The following RAF1 variants were observed in gnomAD, a reference collection of about 807,000 sequenced individuals.
RAF1 encodes the protein Raf-1 proto-oncogene, serine/threonine kinase, also known as RAF proto-oncogene serine/threonine-protein kinase.
Under a neutral mutation model 81.1 loss-of-function variants are expected in RAF1, and 27 were observed. The ratio of observed to expected loss-of-function variants is 0.33; its 90% confidence interval spans 0.25 to 0.46. RAF1 has a LOEUF of 0.46. Among genes scored for constraint, RAF1 ranks in the 20% least tolerant of loss-of-function variants. The pLI is 1.00. For missense variants in RAF1, 598 were observed against 826.0 expected (o/e 0.72, Z 3.38); for synonymous variants, 298 against 294.0 (o/e 1.01, Z -0.14).
intron 13 of RAF1, chr3:12,590,345 CAG>C (rs2058472659): frequency 1.4e-4 from 2 of 14,248 alleles, no homozygotes; most frequent in African/African-American, 1.5e-3. Flanking sequence ...TTTTTTGAGA[CAG>C]AGTCTCGCTT....
At chr3:12,635,722 C>G (rs1193082619) in intron 1 of RAF1, among the ~76,000 whole-genome samples, 1 of 151,270 alleles carries the variant, frequency 6.6e-6, no homozygotes, top group Non-Finnish European at 1.5e-5. Context: ...GCCTGTAATC[C>G]CAGCACTTTG....
intron 3 of RAF1, among the ~76,000 whole-genome samples, chr3:12,609,920 A>C (rs563090701): frequency 6.6e-5 from 10 of 152,350 alleles, no homozygotes; most frequent in African/African-American, 2.2e-4. Flanking sequence ...CTGCAGTACA[A>C]AATTTAGTCT....
At chr3:12,648,745 CAA>C (rs35821519) in intron 1 of RAF1, among the ~76,000 whole-genome samples, 2 of 143,280 alleles carry the variant, frequency 1.4e-5, no homozygotes. Flanking sequence ...GATTCTGCTT[CAA>C]AAAAAAAAAA....
chr3:12,648,262 C>A (rs2060414210), intron 1 of RAF1, among the ~76,000 whole-genome samples: 1 of 134,522 alleles, frequency 7.4e-6, no homozygotes, highest in Non-Finnish European at 1.5e-5. Context: ...AATGATTATT[C>A]AGATAGCCAA....
rs1234109436 is a variant in RAF1 at position 12,618,683 on chromosome 3, A to G, written c.39T>C (p.Asn13=). The G allele has an allele frequency of 6.2e-7, 1 of 1,614,220 alleles. No homozygotes were observed. The highest frequency in any genetic ancestry group is 1.1e-5 in the South Asian group (1 of 91,090). ...ACACGGCATCTTTGAATCCAAAACC[A>G]TTGCTGATCGTCTTCCAAGCTCCCT... Residue 13 remains asparagine (N), a synonymous_variant, in exon 2 of 18, where the codon AAT becomes AAC. Coordinates refer to ENST00000442415, the MANE Select transcript of RAF1 (RefSeq NM_001354689.3).
chr3:12,630,066 A>C (rs2059817405), intron 1 of RAF1, among the ~76,000 whole-genome samples: 1 of 152,208 alleles, frequency 6.6e-6, no homozygotes, highest in Admixed American at 6.5e-5. Flanking sequence ...TATAGGCGTA[A>C]GCCACTACAC....
intron 1 of RAF1, among the ~76,000 whole-genome samples, chr3:12,638,365 C>A (rs2060089166): frequency 6.6e-6 from 1 of 152,184 alleles, no homozygotes; most frequent in Non-Finnish European, 1.5e-5. Context: ...ACACTGACAA[C>A]TGTGGAAAAA....
chr3:12,654,925 C>G (rs1414409717), intron 1 of RAF1, among the ~76,000 whole-genome samples: 1 of 150,552 alleles, frequency 6.6e-6, no homozygotes, highest in Non-Finnish European at 1.5e-5. Context: ...CCTGTAATCC[C>G]AGTACTTTAG....
At chr3:12,628,764 T>C (rs867946382) in intron 1 of RAF1, among the ~76,000 whole-genome samples, 4 of 36,288 alleles carry the variant, frequency 1.1e-4, no homozygotes, top group African/African-American at 3.8e-4. Context: ...GGGGGGGGGG[T>C]GGCGGGGCAC....
chr3:12,633,356 G>A (rs1183568758), intron 1 of RAF1, among the ~76,000 whole-genome samples: 2 of 151,830 alleles, frequency 1.3e-5, no homozygotes, highest in African/African-American at 2.4e-5. Context: ...AGTGGCGAAC[G>A]CCTGTACTCC....
intron 14 of RAF1, among the ~76,000 whole-genome samples, chr3:12,586,545 C>G (rs911514692): frequency 6.6e-6 from 1 of 152,198 alleles, no homozygotes; most frequent in Non-Finnish European, 1.5e-5. Context: ...AAAAACCCCA[C>G]CACTGAAAGG....
At chr3:12,608,614 G>C (rs1183454224) in intron 5 of RAF1, 152 bp downstream of exon 5, 1 of 897,240 alleles carries the variant, frequency 1.1e-6, no homozygotes, top group Non-Finnish European at 1.8e-6. Flanking sequence ...GCTAGTTTCA[G>C]AATTATCACT....
intron 1 of RAF1, among the ~76,000 whole-genome samples, chr3:12,641,368 T>C (rs923852554): frequency 7.0e-6 from 1 of 143,624 alleles, no homozygotes; most frequent in Non-Finnish European, 1.5e-5. Flanking sequence ...CTTAAAGTAT[T>C]AAAAAAAAAA....
chr3:12,594,952 C>T (rs1365324489), intron 11 of RAF1, among the ~76,000 whole-genome samples: 1 of 152,150 alleles, frequency 6.6e-6, no homozygotes, highest in Admixed American at 6.5e-5. Flanking sequence ...GCAGCATTCC[C>T]CTCATTTACA....
At position 12,584,430 on chromosome 3, in the gene RAF1, T is replaced by G. The variant is rs2058250372; in HGVS notation, c.*84A>C. The G allele has an allele frequency of 6.4e-7, 1 of 1,561,446 alleles. No individual in the cohort carries two copies. Among genetic ancestry groups the G allele is most frequent in the Non-Finnish European group, 8.8e-7 (1 of 1,135,156 alleles). ...GCAGCTTCTCTGAAAACATGTGTTC[T>G]GCCTCTGGAGAAAGGGAGCAGAAAA... is the stretch of plus-strand genomic sequence containing the variant. On this transcript the variant is annotated 3_prime_UTR_variant, in exon 18 of 18. Coordinates refer to ENST00000442415, the MANE Select transcript of RAF1 (RefSeq NM_001354689.3).
intron 5 of RAF1, among the ~76,000 whole-genome samples, 163 bp from the exon 6 acceptor site, chr3:12,606,462 C>G (rs935567022): frequency 6.6e-6 from 1 of 152,206 alleles, no homozygotes; most frequent in South Asian, 2.1e-4. Flanking sequence ...GAACAATATT[C>G]CAAATAACTG....
At chr3:12,584,686 TAGC>T (rs2125317758) in intron 17 of RAF1, 29 bp from the exon 17 acceptor site, 1 of 1,614,004 alleles carries the variant, frequency 6.2e-7, no homozygotes, top group East Asian at 2.2e-5. Flanking sequence ...ATGCTCTCAT[TAGC>T]TGTGTCTCAA....
chr3:12,634,397 C>T (rs890381181), intron 1 of RAF1, among the ~76,000 whole-genome samples: 4 of 152,028 alleles, frequency 2.6e-5, no homozygotes, highest in African/African-American at 4.8e-5. Flanking sequence ...GTGATCCACC[C>T]GCCTCGGCCT....
intron 1 of RAF1, among the ~76,000 whole-genome samples, chr3:12,659,003 C>T (rs746252312): frequency 1.3e-5 from 2 of 152,062 alleles, no homozygotes; most frequent in African/African-American, 4.8e-5. Context: ...TTTAGAGCTA[C>T]GCAAGTCATT....
Sources: allele counts gnomAD v4.1 joint callset (sites outside exome capture counted in the v4.1 genomes callset), GRCh38; gene constraint gnomAD v4.1.1; transcripts MANE v1.5; gene names NCBI Gene and HGNC (gene_info 2026-07-23, HGNC 2026-07-21).